KIF5B: variants seen among roughly 807,000 people sequenced by gnomAD.
KIF5B encodes kinesin family member 5B.
Under a neutral mutation model 132.8 loss-of-function variants are expected in KIF5B, and 49 were observed. The ratio of observed to expected loss-of-function variants is 0.37; its 90% confidence interval spans 0.29 to 0.47. The LOEUF (loss-of-function observed/expected upper bound fraction) is 0.47, where lower values mean the gene tolerates loss of function less well. KIF5B is among the 20% of genes least tolerant of loss of function. The pLI, the probability that KIF5B is intolerant of heterozygous loss-of-function variation, is 1.00. For synonymous variants in KIF5B, 355 were observed against 369.4 expected, an observed-to-expected ratio of 0.96 and a Z score of 0.45; for missense variants, 780 against 1,144.0, an observed-to-expected ratio of 0.68 and a Z score of 4.59.
intron 9 of KIF5B, 30 bp downstream of exon 9, chr10:32,035,860 A>C (rs1841454720): frequency 6.6e-7 from 1 of 1,523,244 alleles, no homozygotes; most frequent in African/African-American, 1.4e-5. Context: ...CCCATAAGGT[A>C]ACAGGGAGAT....
At chr10:32,019,542 G>A (rs1013901400) in intron 20 of KIF5B, among the ~76,000 whole-genome samples, 7 of 152,128 alleles carry the variant, frequency 4.6e-5, no homozygotes, top group Non-Finnish European at 1.0e-4. Context: ...AATCTTCGAA[G>A]TTACTTAATA....
rs1411285610 is a variant in KIF5B at position 32,025,247 on chromosome 10, A to G, written c.1726-2211T>C. On this transcript the variant is annotated intron_variant, in intron 15 of 25. Transcript: ENST00000302418. Reference sequence around the variant, plus strand: ...GCTGATAGGAATGCAAAATGTTTCCACCACTTTGGAAGACCATTTGGGAGT... The same window carrying G: ...GCTGATAGGAATGCAAAATGTTTCCGCCACTTTGGAAGACCATTTGGGAGT... Among the ~76,000 whole-genome samples the G allele has an allele frequency of 1.3e-5, 2 of 152,268 alleles. 1 individual carries two copies. Among genetic ancestry groups the G allele is most frequent in the Non-Finnish European group, 2.9e-5 (2 of 68,052 alleles).
chr10:32,037,841 T>C (rs1592449478), intron 6 of KIF5B, among the ~76,000 whole-genome samples: 1 of 150,958 alleles, frequency 6.6e-6, no homozygotes, highest in South Asian at 2.1e-4. Flanking sequence ...ATTAAATGAA[T>C]TGGCTCACGC....
At chr10:32,019,647 C>T (rs759238509) in intron 20 of KIF5B, among the ~76,000 whole-genome samples, 3 of 152,076 alleles carry the variant, frequency 2.0e-5, no homozygotes, top group Non-Finnish European at 2.9e-5. Context: ...TAATCTTAAC[C>T]ACAATGAAAT....
rs377538377 is a variant in KIF5B at position 32,039,093 on chromosome 10, G to T, written c.393+234C>A. Among the ~76,000 whole-genome samples the T allele has an allele frequency of 2.0e-4, 31 of 152,240 alleles. No homozygotes were observed. The East Asian group carries it at 5.0e-3, about 25-fold the overall frequency. On this transcript the variant is annotated intron_variant, in intron 4 of 25. Transcript: ENST00000302418. The stretch of plus-strand genomic sequence containing the variant: ...AGAAACCTTCAAGTTCTGCAGTAAA[G>T]CAACCTCCTTTATTTTTTGAAGGAG...
intron 12 of KIF5B, among the ~76,000 whole-genome samples, chr10:32,033,156 C>A (rs1833542664): frequency 6.6e-6 from 1 of 152,144 alleles, no homozygotes; most frequent in African/African-American, 2.4e-5. Context: ...TATTTCCACT[C>A]TATTGTGTTT....
intron 8 of KIF5B, among the ~76,000 whole-genome samples, chr10:32,036,715 A>G (rs987098785): frequency 6.6e-6 from 1 of 152,282 alleles, no homozygotes; most frequent in Non-Finnish European, 1.5e-5. Flanking sequence ...CGGAATAGAT[A>G]TATCATTCTA....
intron 15 of KIF5B, among the ~76,000 whole-genome samples, chr10:32,025,051 T>TGG (rs1316349560): frequency 2.6e-5 from 4 of 152,340 alleles, no homozygotes; most frequent in African/African-American, 9.6e-5. Flanking sequence ...CACTCCAGCC[T>TGG]GGGTGACAGA....
At chr10:32,041,446 C>A (rs547797295) in intron 2 of KIF5B, among the ~76,000 whole-genome samples, 16 of 152,218 alleles carry the variant, frequency 1.1e-4, no homozygotes, top group African/African-American at 3.9e-4. Context: ...CACTCCAAAG[C>A]TTTATGTGAC....
At chr10:32,051,862 T>G (rs970728557) in intron 1 of KIF5B, among the ~76,000 whole-genome samples, 11 of 152,184 alleles carry the variant, frequency 7.2e-5, no homozygotes, top group African/African-American at 2.7e-4. Context: ...TTCAAATAAA[T>G]TAAAGAAAAA....
chr10:32,035,086 T>C (rs961011188), intron 10 of KIF5B, among the ~76,000 whole-genome samples: 1 of 151,942 alleles, frequency 6.6e-6, no homozygotes, highest in African/African-American at 2.4e-5. Context: ...CAAAGGCCTA[T>C]ATTTTTCCAA....
At chr10:32,029,492 G>T (rs186113150) in intron 14 of KIF5B, among the ~76,000 whole-genome samples, 1 of 152,022 alleles carries the variant, frequency 6.6e-6, no homozygotes, top group East Asian at 1.9e-4. Flanking sequence ...ATGGTAGTTC[G>T]TCATTTCCTT....
intron 1 of KIF5B, among the ~76,000 whole-genome samples, chr10:32,049,595 T>A (rs1405201539): frequency 6.6e-6 from 1 of 152,282 alleles, no homozygotes; most frequent in South Asian, 2.1e-4. Flanking sequence ...AATGCAAATA[T>A]CAAAACGGTT....
At chr10:32,047,184 G>C (rs1227057767) in intron 2 of KIF5B, among the ~76,000 whole-genome samples, 2 of 152,074 alleles carry the variant, frequency 1.3e-5, no homozygotes, top group African/African-American at 4.8e-5. Flanking sequence ...GGGACTGTCT[G>C]TATTCACCTT....
intron 15 of KIF5B, among the ~76,000 whole-genome samples, chr10:32,024,553 C>A (rs1408351584): frequency 2.0e-5 from 3 of 151,438 alleles, no homozygotes; most frequent in African/African-American, 7.3e-5. Flanking sequence ...CACCTGAGGT[C>A]AGGAGTTCAA....
intron 6 of KIF5B, 90 bp from the exon 7 acceptor site, chr10:32,037,697 G>T (rs1841479147): frequency 3.3e-6 from 3 of 910,996 alleles, no homozygotes; most frequent in Admixed American, 2.2e-5. Context: ...GCCGGGCGCG[G>T]TGGCGGGTGC....
intron 17 of KIF5B, among the ~76,000 whole-genome samples, chr10:32,021,672 A>AAT (rs1290292749): frequency 1.6e-3 from 236 of 151,472 alleles, no homozygotes; most frequent in Middle Eastern, 0.014. Flanking sequence ...AAATCTTAAA[A>AAT]ATATATATAT....
At chr10:32,030,688 C>T (rs538854272) in intron 14 of KIF5B, among the ~76,000 whole-genome samples, 2 of 152,270 alleles carry the variant, frequency 1.3e-5, no homozygotes, top group Admixed American at 6.5e-5. Context: ...TTAATTTGTA[C>T]TGCATATTTA....
rs71027049 is a variant in KIF5B, at chr10:32,026,437, CAAAA to C, written c.1725+1987_1725+1990del. On this transcript the variant is annotated intron_variant, in intron 15 of 25. Coordinates refer to ENST00000302418, the MANE Select transcript of KIF5B (RefSeq NM_004521.3). ...TGGGAGACACAGTGAGATTCCGTCT[CAAAA>C]AAAAAAAAAAAAAAAAAAAAGTAAC... Among the ~76,000 whole-genome samples, 65 of 48,928 alleles carry C rather than the reference CAAAA, an allele frequency of 1.3e-3. 1 individual carries two copies. In the East Asian group the frequency reaches 0.036, roughly 27 times the overall value. 32.1% of individuals were successfully genotyped at this position (48,928 alleles called of 152,430 possible).
Sources: allele counts gnomAD v4.1 joint callset (sites outside exome capture counted in the v4.1 genomes callset), GRCh38; gene constraint gnomAD v4.1.1; transcripts MANE v1.5; gene names NCBI Gene and HGNC (gene_info 2026-07-23, HGNC 2026-07-21).